The following RNF10 variants were observed in gnomAD, a reference collection of about 807,000 sequenced individuals.
RNF10 encodes the protein E3 ubiquitin-protein ligase RNF10.
RNF10 carries 38 observed loss-of-function variants against 91.4 expected under a neutral mutation model. That is an observed-to-expected ratio of 0.42 (90% CI 0.32 to 0.54). RNF10 has a LOEUF of 0.54. RNF10 is among the 20% of genes least tolerant of loss of function. The probability of loss-of-function intolerance (pLI) is 0.16; values close to 1 mark genes in which losing one functional copy is unlikely to be tolerated. For missense variants in RNF10, 945 were observed against 1,012.0 expected, an observed-to-expected ratio of 0.93 and a Z score of 0.90; for synonymous variants, 364 against 366.3, an observed-to-expected ratio of 0.99 and a Z score of 0.07.
Position 120,534,711 on chromosome 12 carries a change from C to T in RNF10, c.-101C>T, listed in dbSNP as rs571894300. The T allele has an allele frequency of 7.1e-7, 1 of 1,403,580 alleles. No individual in the cohort carries two copies. The highest frequency in any genetic ancestry group is 9.2e-7 in the Non-Finnish European group (1 of 1,090,506). The allele number at this position is 1,403,580 out of a possible 1,614,324, so 86.9% of individuals were successfully genotyped here. A position where few individuals can be genotyped will look rare whatever the true frequency, so the allele number is the denominator to read the frequency against. On this transcript the variant is annotated 5_prime_UTR_variant, in exon 1 of 17. Transcript: ENST00000325954. ...AAAATGTCGCCATGAAGGCCGAGAA[C>T]CGCTGCCGCCGCCGACCCCCGCCGG...
chr12:120,575,728 T>G (rs1426240317), intron 15 of RNF10, 40 bp downstream of exon 15: 2 of 1,614,012 alleles, frequency 1.2e-6, no homozygotes, highest in Non-Finnish European at 1.7e-6. Context: ...TTTGGCTTCT[T>G]TCCATAAAAG....
chr12:120,547,211 T>C (rs1417511407), intron 2 of RNF10, among the ~76,000 whole-genome samples: 2 of 152,102 alleles, frequency 1.3e-5, no homozygotes, highest in Non-Finnish European at 2.9e-5. Context: ...AGGAAAACAG[T>C]TTTAGAAGGT....
At position 120,576,884 on chromosome 12, in the gene RNF10, A is replaced by G; in HGVS notation, c.*218A>G. The G allele has an allele frequency of 1.9e-6, 1 of 536,660 alleles. No homozygotes were observed. The highest frequency in any genetic ancestry group is 3.2e-6 in the Non-Finnish European group (1 of 311,308). 33.2% of individuals were successfully genotyped at this position (536,660 alleles called of 1,614,324 possible). ...TACACCAAAATAAAGTATTGACACA[A>G]GAGATCTCTTCCTGCCAAGGTTTTT... On this transcript the variant is annotated 3_prime_UTR_variant, in exon 17 of 17. Transcript: ENST00000325954.
chr12:120,566,772 A>G, intron 12 of RNF10, 53 bp from the exon 13 acceptor site: 1 of 1,560,040 alleles, frequency 6.4e-7, no homozygotes, highest in Non-Finnish European at 8.7e-7. Context: ...AAAAAAAAAA[A>G]AAAAAAATTG....
intron 2 of RNF10, among the ~76,000 whole-genome samples, chr12:120,548,372 A>C (rs1459289406): frequency 6.6e-6 from 1 of 152,162 alleles, no homozygotes; most frequent in Non-Finnish European, 1.5e-5. Flanking sequence ...TGAACCTCTG[A>C]GTCTGGATAA....
Position 120,563,387 on chromosome 12 carries a change from C to T in RNF10, c.1295C>T (p.Thr432Met), listed in dbSNP as rs753416889. 15 of 1,613,612 alleles carry T rather than the reference C, an allele frequency of 9.3e-6. No homozygotes were observed. The highest frequency in any genetic ancestry group is 5.3e-5 in the African/African-American group (4 of 74,892). ...EYLSAFDEET[T>M]EVCSLDTPSR... ...CTGTCTGCCTTCGATGAAGAAACCA[C>T]GGAAGTTTGTTCTCTGGACACTCCT... The change falls in exon 9 of 17, where the codon ACG (threonine) becomes ATG (methionine). Residue 432 changes from threonine (T) to methionine (M), a missense_variant. Physicochemically the swap from Thr to Met is moderately conservative, Grantham distance 81. Transcript: ENST00000325954.
chr12:120,546,045 A>G (rs1872281936), intron 1 of RNF10, among the ~76,000 whole-genome samples: 1 of 152,208 alleles, frequency 6.6e-6, no homozygotes, highest in Non-Finnish European at 1.5e-5. Context: ...TACCAGGTAA[A>G]ATACTTTTCC....
intron 1 of RNF10, among the ~76,000 whole-genome samples, chr12:120,539,654 A>C (rs1871283270): frequency 4.6e-5 from 7 of 152,164 alleles, no homozygotes; most frequent in Admixed American, 4.6e-4. Context: ...ACCTACTGCT[A>C]CTTGGTGGAG....
chr12:120,541,410 CTGGGGTTCT>C lies in RNF10; in HGVS notation c.158-4994_158-4986del, dbSNP rs1400919735. Among the ~76,000 whole-genome samples the C allele has an allele frequency of 6.7e-5, 10 of 150,160 alleles. No homozygotes were observed. The East Asian group carries it at 2.0e-3, about 30-fold the overall frequency. ...AAGCAAGAGAATGTGGCTGAGTTAG[CTGGGGTTCT>C]GCATCCCCTGAGTTTTCCTTTTTTT... On this transcript the variant is annotated intron_variant, in intron 1 of 16. Transcript: ENST00000325954.
Position 120,563,329 on chromosome 12 carries a change from T to C in RNF10, c.1255-18T>C, listed in dbSNP as rs1378505501. On this transcript the variant is annotated intron_variant, in intron 8 of 16. Coordinates refer to ENST00000325954, the MANE Select transcript of RNF10 (RefSeq NM_014868.5). ...GCAGGAGATATCCTTTCTGTTGACT[T>C]AGAGTTTGCTGCAACAGGGTGTGCT... The C allele has an allele frequency of 2.5e-6, 4 of 1,596,784 alleles. No individual in the cohort carries two copies. Among genetic ancestry groups the C allele is most frequent in the Non-Finnish European group, 3.4e-6 (4 of 1,173,114 alleles).
At chr12:120,550,209 G>T (rs1475396481) in intron 2 of RNF10, among the ~76,000 whole-genome samples, 2 of 152,162 alleles carry the variant, frequency 1.3e-5, no homozygotes, top group Non-Finnish European at 2.9e-5. Flanking sequence ...GCTACTGGCT[G>T]CTGTGTTGGA....
In RNF10 at chr12:120,577,285, G is replaced by C. The variant is rs1272082944; in HGVS notation, c.*619G>C. On this transcript the variant is annotated 3_prime_UTR_variant, in exon 17 of 17. Coordinates refer to ENST00000325954, the MANE Select transcript of RNF10 (RefSeq NM_014868.5). The stretch of plus-strand genomic sequence containing the variant: ...TGAAAGGAGGGTTTTGCCTCTTCTT[G>C]AGCATGGCTTGAGTTGGTAAGGAAA... The C allele has an allele frequency of 2.4e-6, 1 of 418,908 alleles. No homozygotes were observed. The highest frequency in any genetic ancestry group is 4.7e-6 in the Non-Finnish European group (1 of 213,780). The allele number at this position is 418,908 out of a possible 1,614,324, so 25.9% of individuals were successfully genotyped here.
chr12:120,554,722 C>A lies in RNF10; in HGVS notation c.559C>A (p.Gln187Lys). 1 of 1,612,700 alleles carries A rather than the reference C, an allele frequency of 6.2e-7. No individual in the cohort carries two copies. Among genetic ancestry groups the A allele is most frequent in the South Asian group, 1.1e-5 (1 of 90,978 alleles). Reference protein sequence around the residue: ...NKELFLQANCQFVVSEDQDYT... With the variant: ...NKELFLQANCKFVVSEDQDYT... The stretch of plus-strand genomic sequence containing the variant: ...TCCTGTCTTTCCTATTTCTAGCTGC[C>A]AATTTGTGGTGTCTGAAGACCAAGA... The change falls in exon 4 of 17, where the codon CAA becomes AAA. Residue 187 changes from glutamine (Q) to lysine (K), a missense_variant. Gln to Lys is a moderately conservative substitution (Grantham distance 53). Transcript: ENST00000325954.
At chr12:120,558,717 C>T (rs1593087921) in intron 6 of RNF10, among the ~76,000 whole-genome samples, 1 of 151,230 alleles carries the variant, frequency 6.6e-6, no homozygotes, top group Admixed American at 6.6e-5. Flanking sequence ...TACAGGCGCC[C>T]GCCACCATGC....
chr12:120,575,757 G>A (rs374110521), intron 15 of RNF10, 35 bp from the exon 16 acceptor site: 26 of 1,613,764 alleles, frequency 1.6e-5, no homozygotes, highest in Non-Finnish European at 2.1e-5. Flanking sequence ...TAGAAAAAGA[G>A]TTGTTTCTAT....
chr12:120,565,042 T>G, intron 10 of RNF10, 30 bp from the exon 11 acceptor site: 1 of 1,488,022 alleles, frequency 6.7e-7, no homozygotes, highest in Non-Finnish European at 9.4e-7. Flanking sequence ...GGCTTGCTTT[T>G]GTTGAGTATT....
chr12:120,570,288 G>A lies in RNF10; in HGVS notation c.2042-903G>A, dbSNP rs1016784807. On this transcript the variant is annotated intron_variant, in intron 13 of 16. Coordinates refer to ENST00000325954, the MANE Select transcript of RNF10 (RefSeq NM_014868.5). ...TGCAGCCTCCACTTCCCAGGTTCAA[G>A]TGATTGTCCTGCCTCAGCCTCCCAA... 9 of 150,422 alleles carry A rather than the reference G, an allele frequency of 6.0e-5. No homozygotes were observed. In the Admixed American group the frequency reaches 6.1e-4, roughly 10 times the overall value. 9.3% of individuals were successfully genotyped at this position (150,422 alleles called of 1,614,324 possible). A position where few individuals can be genotyped will look rare whatever the true frequency, so the allele number is the denominator to read the frequency against.
At chr12:120,572,289 A>G (rs116987251) in intron 14 of RNF10, among the ~76,000 whole-genome samples, 4,811 of 151,698 alleles carry the variant, frequency 0.032, 118 homozygotes, top group Non-Finnish European at 0.048. Context: ...TAGGGTCTCA[A>G]TCTCCTGACC....
At chr12:120,546,377 G>A in intron 1 of RNF10, 28 bp from the exon 2 acceptor site, 1 of 1,595,598 alleles carries the variant, frequency 6.3e-7, no homozygotes. Flanking sequence ...AGCTTCTTAA[G>A]ACGTTCTTTT....
Sources: gnomAD v4.1 joint callset for allele counts (sites outside exome capture counted in the v4.1 genomes callset) on GRCh38, gnomAD v4.1.1 for gene constraint, MANE v1.5 for transcripts, NCBI Gene and HGNC (gene_info 2026-07-23, HGNC 2026-07-21) for gene names.